Variants in CFAP47 observed in about 807,000 individuals in gnomAD.
CFAP47 encodes the protein cilia- and flagella-associated protein 47.
A neutral mutation model predicts 148.1 loss-of-function variants in CFAP47; 29 were observed. The observed-to-expected ratio is 0.20, with a 90% CI of 0.15 to 0.27. The LOEUF is 0.27. CFAP47 is among the 10% of genes least tolerant of loss of function. The probability of loss-of-function intolerance (pLI) is 1.00; values close to 1 mark genes in which losing one functional copy is unlikely to be tolerated. For missense variants in CFAP47, 1,872 were observed against 1,697.5 expected, an observed-to-expected ratio of 1.10 and a Z score of -1.81; for synonymous variants, 664 against 577.3, an observed-to-expected ratio of 1.15 and a Z score of -2.15.
intron 3 of CFAP47, among the ~76,000 whole-genome samples, chrX:35,941,605 A>G (rs752170520): frequency 9.0e-6 from 1 of 111,702 alleles, no homozygotes; most frequent in South Asian, 3.7e-4. Context: ...TATGATCCTG[A>G]TTAATACAGT....
chrX:36,364,881 C>A (rs1941858688), intron 61 of CFAP47, among the ~76,000 whole-genome samples: 1 of 89,178 alleles, frequency 1.1e-5, no homozygotes, highest in African/African-American at 4.0e-5. Flanking sequence ...CCTGGTGTAA[C>A]TTAACAGTTA....
At chrX:36,272,628 GT>G (rs1247799046) in intron 49 of CFAP47, among the ~76,000 whole-genome samples, 1 of 110,864 alleles carries the variant, frequency 9.0e-6, no homozygotes, top group Non-Finnish European at 1.9e-5. Flanking sequence ...TTAAAGGGCA[GT>G]ATTTTTCTTC....
intron 45 of CFAP47, among the ~76,000 whole-genome samples, chrX:36,215,444 G>A (rs1327880503): frequency 1.8e-5 from 2 of 109,971 alleles, no homozygotes; most frequent in Non-Finnish European, 3.8e-5. Context: ...AGGTCTGCTT[G>A]GTTGTAAAGG....
intron 55 of CFAP47, among the ~76,000 whole-genome samples, chrX:36,307,772 T>C (rs1235114296): frequency 9.0e-6 from 1 of 110,555 alleles, no homozygotes; most frequent in Non-Finnish European, 1.9e-5. Flanking sequence ...AGCTGAAGTA[T>C]CTTCATTTCC....
At chrX:36,115,845 T>C (rs1569263629) in intron 33 of CFAP47, among the ~76,000 whole-genome samples, 1 of 111,934 alleles carries the variant, frequency 8.9e-6, no homozygotes, top group Admixed American at 9.5e-5. Context: ...ATCACAGATA[T>C]TTCAGAAGAA....
intron 43 of CFAP47, among the ~76,000 whole-genome samples, chrX:36,200,972 C>G (rs1939974430): frequency 9.1e-6 from 1 of 110,384 alleles, no homozygotes; most frequent in Non-Finnish European, 1.9e-5. Flanking sequence ...CTACTCTCCC[C>G]CTACCTATCA....
intron 33 of CFAP47, among the ~76,000 whole-genome samples, chrX:36,130,325 G>A (rs1938924100): frequency 1.8e-5 from 2 of 111,416 alleles, no homozygotes; most frequent in Non-Finnish European, 3.8e-5. Flanking sequence ...ATGAAAAGGT[G>A]CTCAACATCA....
chrX:35,924,251 A>ATGTGTATATG (rs1935672603), intron 1 of CFAP47, among the ~76,000 whole-genome samples: 2 of 77,417 alleles, frequency 2.6e-5, no homozygotes, highest in Admixed American at 2.8e-4. Flanking sequence ...ATGTGTGCAT[A>ATGTGTATATG]TGGACATGTA....
chrX:36,307,508 T>A (rs1275377580), intron 55 of CFAP47, among the ~76,000 whole-genome samples: 1 of 111,274 alleles, frequency 9.0e-6, no homozygotes, highest in Non-Finnish European at 1.9e-5. Flanking sequence ...TCAACTCATC[T>A]TCATGTCTAC....
intron 15 of CFAP47, among the ~76,000 whole-genome samples, chrX:35,977,005 T>A (rs1936580974): frequency 9.0e-6 from 1 of 111,700 alleles, no homozygotes; most frequent in African/African-American, 3.3e-5. Flanking sequence ...TTGGCAAACA[T>A]CCTTGTGATG....
chrX:36,256,701 T>C (rs1940757462), intron 49 of CFAP47, among the ~76,000 whole-genome samples: 1 of 111,996 alleles, frequency 8.9e-6, no homozygotes, highest in Non-Finnish European at 1.9e-5. Flanking sequence ...TCCCTTTCTA[T>C]GTCTAGAGCT....
At chrX:36,320,726 A>G (rs1262733537) in intron 57 of CFAP47, among the ~76,000 whole-genome samples, 2 of 112,175 alleles carry the variant, frequency 1.8e-5, no homozygotes, top group Admixed American at 9.5e-5. Flanking sequence ...GACCATCTAG[A>G]TTTTTTCCCT....
At chrX:36,172,328 A>C (rs1213783158) in intron 39 of CFAP47, among the ~76,000 whole-genome samples, 2 of 106,736 alleles carry the variant, frequency 1.9e-5, no homozygotes, top group African/African-American at 6.8e-5. Context: ...AGAACTTCCA[A>C]CACTATGTTG....
At chrX:36,157,682 G>T (rs1431006264) in intron 37 of CFAP47, among the ~76,000 whole-genome samples, 3 of 110,567 alleles carry the variant, frequency 2.7e-5, no homozygotes, top group East Asian at 2.8e-4. Context: ...AGGAATAGTG[G>T]TGTTTTTTTT....
chrX:36,371,843 T>C (rs782384333), intron 62 of CFAP47, among the ~76,000 whole-genome samples: 8 of 73,758 alleles, frequency 1.1e-4, no homozygotes, highest in African/African-American at 4.4e-4. Context: ...TGTGTATATG[T>C]GTGTATATAT....
chrX:36,117,982 A>G (rs918925358), intron 33 of CFAP47, among the ~76,000 whole-genome samples: 14 of 111,758 alleles, frequency 1.3e-4, no homozygotes, highest in African/African-American at 3.9e-4. Flanking sequence ...TTTCAGAACC[A>G]TTTATTGAAG....
At position 36,071,988 on chromosome X, in the gene CFAP47, T is replaced by C. The variant is rs746169161; in HGVS notation, c.4465+17T>C. On this transcript the variant is annotated intron_variant, in intron 28 of 63. Transcript: ENST00000378653. ...TATTTATTGGTATGTAGCAAATATA[T>C]AGTGTACTTTCCAAAATTAGTCCAT... 2 of 1,155,014 alleles carry C rather than the reference T, an allele frequency of 1.7e-6. No individual in the cohort carries two copies. Among genetic ancestry groups the C allele is most frequent in the Non-Finnish European group, 2.3e-6 (2 of 860,764 alleles).
At chrX:36,037,186 G>A (rs1937347825) in intron 24 of CFAP47, among the ~76,000 whole-genome samples, 1 of 111,757 alleles carries the variant, frequency 8.9e-6, no homozygotes, top group Non-Finnish European at 1.9e-5. Context: ...TCTCCTTTAT[G>A]TGCCTGTCGA....
chrX:36,157,048 G>A (rs1939376229), intron 37 of CFAP47, among the ~76,000 whole-genome samples: 1 of 108,272 alleles, frequency 9.2e-6, no homozygotes. Flanking sequence ...AGATCCTATC[G>A]ATTTTACCAA....
Sources: allele counts gnomAD v4.1 joint callset (sites outside exome capture counted in the v4.1 genomes callset), GRCh38; gene constraint gnomAD v4.1.1; transcripts MANE v1.5; gene names NCBI Gene and HGNC (gene_info 2026-07-23, HGNC 2026-07-21).